The following PRKCB variants were observed in gnomAD, a reference collection of about 807,000 sequenced individuals.
PRKCB encodes protein kinase C beta, also known as protein kinase C beta type.
PRKCB carries 13 observed loss-of-function variants against 81.5 expected under a neutral mutation model. The observed-to-expected ratio is 0.16, with a 90% CI of 0.10 to 0.25. PRKCB has a LOEUF of 0.25. PRKCB is among the 10% of genes least tolerant of loss of function. The pLI, the probability that PRKCB is intolerant of heterozygous loss-of-function variation, is 1.00. For synonymous variants in PRKCB, 335 were observed against 321.4 expected (o/e 1.04, Z -0.45); for missense variants, 509 against 875.7 (o/e 0.58, Z 5.29).
intron 3 of PRKCB, among the ~76,000 whole-genome samples, chr16:24,016,122 C>T (rs1363464352): frequency 6.6e-6 from 1 of 151,964 alleles, no homozygotes; most frequent in African/African-American, 2.4e-5. Flanking sequence ...GGGTTATTAT[C>T]CTAGCTCCCC....
rs1001522317 is a variant in PRKCB at position 24,061,925 on chromosome 16, A to C, written c.529+26378A>C. Reference sequence around the variant, plus strand: ...CTTAAATAAATAAAAAAAAAAAAAAAAAAAAAAACTTGAGGCCTGCTGGAC... The same window carrying C: ...CTTAAATAAATAAAAAAAAAAAAAACAAAAAAAACTTGAGGCCTGCTGGAC... On this transcript the variant is annotated intron_variant, in intron 5 of 16. Coordinates refer to ENST00000643927, the MANE Select transcript of PRKCB (RefSeq NM_002738.7). 3.7e-3 allele frequency among the ~76,000 whole-genome samples: 550 copies of C among 149,870 alleles called. 17 individuals carry two copies. The East Asian group carries it at 0.062, about 17-fold the overall frequency.
In PRKCB at chr16:24,175,594, A is replaced by T. The variant is rs189676909; in HGVS notation, c.1394+1014A>T. ...TGGAGGGTTCTCTCTCATTCTGTAG[A>T]GAGCATGATGATGAGGGCCTGGAGA... is the stretch of plus-strand genomic sequence containing the variant. On this transcript the variant is annotated intron_variant, in intron 12 of 16. Transcript: ENST00000643927. 2.6e-5 allele frequency among the ~76,000 whole-genome samples: 4 copies of T among 151,992 alleles called. No individual in the cohort carries two copies. The East Asian group carries it at 7.8e-4, about 30-fold the overall frequency.
intron 12 of PRKCB, among the ~76,000 whole-genome samples, chr16:24,175,197 C>T (rs1378149383): frequency 6.6e-6 from 1 of 152,078 alleles, no homozygotes; most frequent in Non-Finnish European, 1.5e-5. Context: ...CCTTGTACTA[C>T]ATTGATGCAA....
At chr16:23,918,387 T>A (rs931232051) in intron 2 of PRKCB, among the ~76,000 whole-genome samples, 1 of 148,882 alleles carries the variant, frequency 6.7e-6, no homozygotes, top group African/African-American at 2.6e-5. Flanking sequence ...CTTTTTATTA[T>A]TATTATTATT....
chr16:24,034,332 A>T (rs1241344971), intron 4 of PRKCB, among the ~76,000 whole-genome samples: 1 of 152,116 alleles, frequency 6.6e-6, no homozygotes, highest in Non-Finnish European at 1.5e-5. Context: ...TTGCCCCCAG[A>T]TCCCTTGAAA....
chr16:24,154,891 C>T, intron 10 of PRKCB, 34 bp downstream of exon 10: 1 of 1,599,054 alleles, frequency 6.3e-7, no homozygotes, highest in Non-Finnish European at 8.5e-7. Flanking sequence ...TATTCCACCT[C>T]CAGGGCTTCA....
intron 2 of PRKCB, among the ~76,000 whole-genome samples, chr16:23,896,993 C>T (rs1318023533): frequency 6.6e-6 from 1 of 152,108 alleles, no homozygotes; most frequent in African/African-American, 2.4e-5. Context: ...TCCATTCACC[C>T]ACCCACTCAT....
In PRKCB at chr16:23,954,258, A is replaced by T. The variant is rs553585763; in HGVS notation, c.206-34250A>T. Among the ~76,000 whole-genome samples the T allele has an allele frequency of 6.5e-4, 99 of 152,218 alleles. 1 individual carries two copies. The highest frequency in any genetic ancestry group is 2.2e-3 in the African/African-American group (92 of 41,538). On this transcript the variant is annotated intron_variant, in intron 2 of 16. Transcript: ENST00000643927. ...GACACCACGCCTGACCAGGGAAGGC[A>T]TCGATCTTAGACTGACTTAGTGGTG...
chr16:24,180,649 T>G, intron 12 of PRKCB, 141 bp from the exon 13 acceptor site: 1 of 944,518 alleles, frequency 1.1e-6, no homozygotes, highest in Non-Finnish European at 1.6e-6. Flanking sequence ...CTGTAAGCTG[T>G]TGGAGGTCAA....
rs994725582 is a variant in PRKCB at position 24,219,524 on chromosome 16, C to T, written c.*4708C>T. 3.5e-5 allele frequency: 35 copies of T among 988,282 alleles called. No individual in the cohort carries two copies. The African/African-American group carries it at 6.1e-4, about 17-fold the overall frequency. 61.2% of individuals were successfully genotyped at this position (988,282 alleles called of 1,614,324 possible). On this transcript the variant is annotated 3_prime_UTR_variant, in exon 17 of 17. Transcript: ENST00000643927. Reference sequence around the variant, plus strand: ...AGTTCACCTTTTCAGAGAAAGAGGTCTTCTAGCCACCTGGGCTGCTACTGA... The same window carrying T: ...AGTTCACCTTTTCAGAGAAAGAGGTTTTCTAGCCACCTGGGCTGCTACTGA...
At chr16:24,125,147 C>G (rs146208455) in intron 9 of PRKCB, among the ~76,000 whole-genome samples, 15 of 68,260 alleles carry the variant, frequency 2.2e-4, no homozygotes, top group African/African-American at 1.3e-3. Flanking sequence ...AATTGCAATC[C>G]CAATCTTGTT....
chr16:24,108,829 G>A (rs1452890383), intron 7 of PRKCB, among the ~76,000 whole-genome samples: 2 of 151,904 alleles, frequency 1.3e-5, no homozygotes, highest in Admixed American at 1.3e-4. Flanking sequence ...CCACAAAGCC[G>A]CCATTGTCAT....
intron 3 of PRKCB, among the ~76,000 whole-genome samples, chr16:23,995,853 C>G (rs927776173): frequency 3.3e-5 from 5 of 152,154 alleles, no homozygotes; most frequent in African/African-American, 1.2e-4. Flanking sequence ...AGACTAGGAC[C>G]CAGTTTACAG....
intron 2 of PRKCB, among the ~76,000 whole-genome samples, chr16:23,961,755 C>T (rs1020777550): frequency 1.3e-5 from 2 of 151,996 alleles, no homozygotes; most frequent in Non-Finnish European, 2.9e-5. Context: ...AGTTGAGCAT[C>T]CCAAATCCAA....
intron 5 of PRKCB, among the ~76,000 whole-genome samples, chr16:24,040,142 A>G (rs1965681149): frequency 6.6e-6 from 1 of 152,192 alleles, no homozygotes; most frequent in Non-Finnish European, 1.5e-5. Context: ...TTGAGCTCAT[A>G]TATCTGTTCT....
intron 2 of PRKCB, among the ~76,000 whole-genome samples, chr16:23,954,826 T>C (rs958424716): frequency 1.3e-5 from 2 of 152,016 alleles, no homozygotes; most frequent in African/African-American, 4.8e-5. Flanking sequence ...CCGAAGTGGG[T>C]GGATGGCTTG....
At position 24,220,036 on chromosome 16, in the gene PRKCB, C is replaced by T. The variant is rs554313951; in HGVS notation, c.*5220C>T. 20 of 1,614,182 alleles carry T rather than the reference C, an allele frequency of 1.2e-5. No individual in the cohort carries two copies. In the Admixed American group the frequency reaches 2.0e-4, roughly 16 times the overall value. ...TGTGGAACTGACCCCCACTGATAAACTCTTCATCATGAACTTGGACCAAAA... is the reference window on the plus strand; with the variant it reads ...TGTGGAACTGACCCCCACTGATAAATTCTTCATCATGAACTTGGACCAAAA... On this transcript the variant is annotated 3_prime_UTR_variant, in exon 17 of 17. Transcript: ENST00000643927.
chr16:24,182,634 G>C (rs1388054253), intron 13 of PRKCB, among the ~76,000 whole-genome samples: 2 of 152,182 alleles, frequency 1.3e-5, no homozygotes, highest in Non-Finnish European at 2.9e-5. Context: ...GGAAACTAGA[G>C]CCTGGGATGT....
intron 9 of PRKCB, among the ~76,000 whole-genome samples, chr16:24,145,848 C>T (rs922604474): frequency 4.6e-5 from 7 of 152,230 alleles, no homozygotes; most frequent in African/African-American, 1.2e-4. Flanking sequence ...ATGATGTTGA[C>T]GATCACCACT....
Sources: allele counts gnomAD v4.1 joint callset (sites outside exome capture counted in the v4.1 genomes callset), GRCh38; gene constraint gnomAD v4.1.1; transcripts MANE v1.5; gene names NCBI Gene and HGNC (gene_info 2026-07-23, HGNC 2026-07-21).